NKAP: variants seen among roughly 807,000 people sequenced by gnomAD.
NKAP encodes NFKB activating protein, also known as NF-kappa-B-activating protein.
In NKAP, 4 loss-of-function variants were observed where a neutral mutation model predicts 35.6. That is an observed-to-expected ratio of 0.11 (90% CI 0.06 to 0.26). NKAP has a LOEUF of 0.26. Among genes scored for constraint, NKAP ranks in the 10% least tolerant of loss-of-function variants. The pLI, the probability that NKAP is intolerant of heterozygous loss-of-function variation, is 1.00. For synonymous variants in NKAP, 106 were observed against 119.2 expected, an observed-to-expected ratio of 0.89 and a Z score of 0.72; for missense variants, 238 against 321.9, an observed-to-expected ratio of 0.74 and a Z score of 1.99.
rs995112202 is a variant in NKAP at position 119,920,810 on chromosome X, G to A, written c.*4410C>T. On this transcript the variant is annotated 3_prime_UTR_variant, in exon 9 of 9. Transcript: ENST00000371410. The stretch of plus-strand genomic sequence containing the variant: ...AGTAAGTTGTTTTCTATTTTCTAAA[G>A]TATTTTTTTCTATCACTATATGTAT... 2.4e-5 allele frequency: 7 copies of A among 290,496 alleles called. No homozygotes were observed. The highest frequency in any genetic ancestry group is 4.2e-5 in the Non-Finnish European group (7 of 164,928). 23.9% of individuals were successfully genotyped at this position (290,496 alleles called of 1,213,427 possible). A position where few individuals can be genotyped will look rare whatever the true frequency, so the allele number is the denominator to read the frequency against.
chrX:119,928,407 T>C (rs766843988), intron 8 of NKAP, among the ~76,000 whole-genome samples: 1 of 112,388 alleles, frequency 8.9e-6, no homozygotes, highest in East Asian at 2.8e-4. Context: ...CATTTTCTAG[T>C]TGTCTGTTGC....
intron 4 of NKAP, among the ~76,000 whole-genome samples, chrX:119,935,253 A>G (rs1328419225): frequency 8.9e-6 from 1 of 111,742 alleles, no homozygotes; most frequent in African/African-American, 3.3e-5. Flanking sequence ...CTTTGATTAC[A>G]AAAGTAATGC....
intron 8 of NKAP, among the ~76,000 whole-genome samples, 182 bp downstream of exon 8, chrX:119,929,834 T>A (rs1210975152): frequency 8.9e-6 from 1 of 112,247 alleles, no homozygotes; most frequent in Non-Finnish European, 1.9e-5. Context: ...GAGTTGCATA[T>A]ATACTTGGAA....
At chrX:119,928,190 AC>A (rs1028527110) in intron 8 of NKAP, among the ~76,000 whole-genome samples, 2 of 112,158 alleles carry the variant, frequency 1.8e-5, no homozygotes, top group African/African-American at 6.5e-5. Flanking sequence ...ATATTCTGAC[AC>A]TGTTATAAAC....
At chrX:119,926,457 G>A (rs1033765059) in intron 8 of NKAP, among the ~76,000 whole-genome samples, 15 of 107,870 alleles carry the variant, frequency 1.4e-4, no homozygotes, top group African/African-American at 5.1e-4. Context: ...AGTAGAGATG[G>A]GGTTTCGCCA....
In NKAP at chrX:119,943,648, C is replaced by T. The variant is rs760402404; in HGVS notation, c.-43G>A. 3.5e-6 allele frequency: 4 copies of T among 1,132,905 alleles called. No individual in the cohort carries two copies. Among genetic ancestry groups the T allele is most frequent in the Non-Finnish European group, 3.5e-6 (3 of 861,035 alleles). The allele number at this position is 1,132,905 out of a possible 1,213,427, so 93.4% of individuals were successfully genotyped here. ...AGCAGCCGTGGGACAAGGGGGCGCTCTCGCGAGCCTAGGAAGATGTCTGTT... is the reference window on the plus strand; with the variant it reads ...AGCAGCCGTGGGACAAGGGGGCGCTTTCGCGAGCCTAGGAAGATGTCTGTT... On this transcript the variant is annotated 5_prime_UTR_variant, in exon 1 of 9. Coordinates refer to ENST00000371410, the MANE Select transcript of NKAP (RefSeq NM_024528.4).
At chrX:119,926,057 C>T (rs1311218518) in intron 8 of NKAP, among the ~76,000 whole-genome samples, 3 of 95,486 alleles carry the variant, frequency 3.1e-5, no homozygotes, top group Non-Finnish European at 6.2e-5. Context: ...CCCGGGTTCA[C>T]GCCATTCTCC....
intron 1 of NKAP, among the ~76,000 whole-genome samples, chrX:119,939,777 T>G (rs991758179): frequency 4.6e-5 from 5 of 108,081 alleles, no homozygotes; most frequent in African/African-American, 1.3e-4. Context: ...CGCATGCCTG[T>G]AATCCTGGCT....
chrX:119,926,985 C>G (rs1402848745), intron 8 of NKAP, among the ~76,000 whole-genome samples: 3 of 94,037 alleles, frequency 3.2e-5, no homozygotes, highest in African/African-American at 1.2e-4. Context: ...CATTTGAACC[C>G]AGGAGGTGGA....
rs1038141612 is a variant in NKAP at position 119,930,836 on chromosome X, A to G, written c.924-671T>C. On this transcript the variant is annotated intron_variant, in intron 7 of 8. Coordinates refer to ENST00000371410, the MANE Select transcript of NKAP (RefSeq NM_024528.4). ...TTGTCTCAAAAAACAAAACAAAACA[A>G]AACAAAAAAAAAAAACAAAGTAGGC... Among the ~76,000 whole-genome samples the G allele has an allele frequency of 6.9e-4, 58 of 83,644 alleles. 1 individual carries two copies. The highest frequency in any genetic ancestry group is 1.2e-3 in the Non-Finnish European group (51 of 41,751). The allele number at this position is 83,644 out of a possible 115,157, so 72.6% of individuals were successfully genotyped here. A position where few individuals can be genotyped will look rare whatever the true frequency, so the allele number is the denominator to read the frequency against.
At chrX:119,929,150 C>T (rs2056729338) in intron 8 of NKAP, among the ~76,000 whole-genome samples, 1 of 111,880 alleles carries the variant, frequency 8.9e-6, no homozygotes, top group Non-Finnish European at 1.9e-5. Context: ...CCTGCCTTGG[C>T]CTCCCAAAGT....
chrX:119,939,610 G>A (rs1377075222), intron 1 of NKAP, among the ~76,000 whole-genome samples: 3 of 111,176 alleles, frequency 2.7e-5, no homozygotes, highest in Admixed American at 9.5e-5. Context: ...TAGAGATGAG[G>A]TCTTGCCGCC....
rs1008157260 is a variant in NKAP at position 119,922,505 on chromosome X, A to C, written c.*2715T>G. On this transcript the variant is annotated 3_prime_UTR_variant, in exon 9 of 9. Transcript: ENST00000371410. ...CACTTTGGGAGGCCGAGGCGGGCGG[A>C]TTGTTTGAGGTCTGGAGTTTGAGAC... 9.0e-6 allele frequency: 1 copy of C among 111,421 alleles called. No homozygotes were observed. Among genetic ancestry groups the C allele is most frequent in the East Asian group, 2.8e-4 (1 of 3,515 alleles). The allele number at this position is 111,421 out of a possible 1,213,427, so 9.2% of individuals were successfully genotyped here. A position where few individuals can be genotyped will look rare whatever the true frequency, so the allele number is the denominator to read the frequency against.
At chrX:119,937,250 G>A (rs750410470) in intron 2 of NKAP, 3 of 111,988 alleles carry the variant, frequency 2.7e-5, no homozygotes, top group Admixed American at 9.5e-5. Context: ...GTTTAGAAAA[G>A]GAGTTTCCAC....
In NKAP at chrX:119,923,869, G is replaced by C. The variant is rs2147842130; in HGVS notation, c.*1351C>G. 8.9e-6 allele frequency: 1 copy of C among 111,842 alleles called. No individual in the cohort carries two copies. Among genetic ancestry groups the C allele is most frequent in the South Asian group, 3.7e-4 (1 of 2,710 alleles). 9.2% of individuals were successfully genotyped at this position (111,842 alleles called of 1,213,427 possible). A position where few individuals can be genotyped will look rare whatever the true frequency, so the allele number is the denominator to read the frequency against. On this transcript the variant is annotated 3_prime_UTR_variant, in exon 9 of 9. Coordinates refer to ENST00000371410, the MANE Select transcript of NKAP (RefSeq NM_024528.4). ...CTCAGGAGGCTGAGGCAGGAGAACT[G>C]CTTGAACTTAGGAGGTGGAGGTTGT...
intron 4 of NKAP, among the ~76,000 whole-genome samples, chrX:119,935,103 A>G (rs1273091743): frequency 1.8e-5 from 2 of 111,703 alleles, no homozygotes; most frequent in Non-Finnish European, 3.8e-5. Flanking sequence ...GGAGACAGAT[A>G]GGTAAAGAGA....
At chrX:119,928,964 T>C (rs945957749) in intron 8 of NKAP, among the ~76,000 whole-genome samples, 4 of 110,633 alleles carry the variant, frequency 3.6e-5, no homozygotes, top group African/African-American at 6.6e-5. Flanking sequence ...TGGTGTGATC[T>C]TGGCTCATTG....
At chrX:119,942,667 G>A (rs7056226) in intron 1 of NKAP, among the ~76,000 whole-genome samples, 24,727 of 110,579 alleles carry the variant, frequency 0.22, 2,292 homozygotes, top group Middle Eastern at 0.35. Flanking sequence ...CGTCTTGTCT[G>A]AGGGGAAGGT....
At chrX:119,940,011 T>C (rs1409682836) in intron 1 of NKAP, among the ~76,000 whole-genome samples, 2 of 108,781 alleles carry the variant, frequency 1.8e-5, no homozygotes, top group African/African-American at 6.7e-5. Context: ...CATGAGCCAC[T>C]GCACCTAGTC....
Sources: gnomAD v4.1 joint callset for allele counts (sites outside exome capture counted in the v4.1 genomes callset) on GRCh38, gnomAD v4.1.1 for gene constraint, MANE v1.5 for transcripts, NCBI Gene and HGNC (gene_info 2026-07-23, HGNC 2026-07-21) for gene names.